Variants in IRF8 observed in about 807,000 individuals in gnomAD.
The protein encoded by IRF8 is interferon consensus sequence binding protein 1.
A neutral mutation model predicts 48.7 loss-of-function variants in IRF8; 14 were observed. That is an observed-to-expected ratio of 0.29 (90% CI 0.19 to 0.45). The LOEUF (loss-of-function observed/expected upper bound fraction) is 0.45, where lower values mean the gene tolerates loss of function less well. Ranked by LOEUF, IRF8 falls within the 20% of genes least tolerant of loss-of-function variation. The pLI is 1.00. For synonymous variants in IRF8, 278 were observed against 227.3 expected (o/e 1.22, Z -2.01); for missense variants, 493 against 580.7 (o/e 0.85, Z 1.55).
intron 2 of IRF8, among the ~76,000 whole-genome samples, chr16:85,905,785 A>G (rs1333563668): frequency 6.6e-6 from 1 of 152,234 alleles, no homozygotes; most frequent in Non-Finnish European, 1.5e-5. Flanking sequence ...CAACTGTTCA[A>G]AGAAAACCTT....
rs1469176664 is a variant in IRF8, at chr16:85,914,510, G to T, written c.591G>T (p.Ala197=). 1 of 1,614,082 alleles carries T rather than the reference G, an allele frequency of 6.2e-7. No homozygotes were observed. Among genetic ancestry groups the T allele is most frequent in the East Asian group, 2.2e-5 (1 of 44,878 alleles). ...TGACGGGGTACACCACCTACGACGC[G>T]CACCATTCAGGTACGGGGTGGTCCG... ...PLVTGYTTYD[A]HHSAFSQMVI... Residue 197 remains alanine (A), a synonymous_variant, in exon 6 of 9, where the codon GCG becomes GCT. Coordinates refer to ENST00000268638, the MANE Select transcript of IRF8 (RefSeq NM_002163.4).
At chr16:85,919,726 C>T (rs1279110718) in intron 7 of IRF8, among the ~76,000 whole-genome samples, 2 of 152,360 alleles carry the variant, frequency 1.3e-5, no homozygotes, top group South Asian at 2.1e-4. Flanking sequence ...ACTTTGAGAC[C>T]CTTTCAGTTG....
At position 85,922,452 on chromosome 16, in the gene IRF8, G is replaced by C. The variant is rs945263435; in HGVS notation, c.*1170G>C. The stretch of plus-strand genomic sequence containing the variant: ...AAGAATGGCAGACCTGTTTGCTGAA[G>C]TGTTCATAAGATAACAATAGGCTTG... On this transcript the variant is annotated 3_prime_UTR_variant, in exon 9 of 9. Transcript: ENST00000268638. The C allele has an allele frequency of 4.6e-5, 7 of 152,330 alleles. No individual in the cohort carries two copies. Among genetic ancestry groups the C allele is most frequent in the African/African-American group, 1.7e-4 (7 of 41,444 alleles). 9.4% of individuals were successfully genotyped at this position (152,330 alleles called of 1,614,324 possible).
At chr16:85,901,670 G>A (rs1237820378) in intron 1 of IRF8, among the ~76,000 whole-genome samples, 2 of 152,132 alleles carry the variant, frequency 1.3e-5, no homozygotes, top group African/African-American at 4.8e-5. Flanking sequence ...ACGCACAACT[G>A]AGGTTGTTGG....
intron 7 of IRF8, among the ~76,000 whole-genome samples, chr16:85,919,824 AG>A (rs2143053241): frequency 6.6e-6 from 1 of 152,336 alleles, no homozygotes; most frequent in African/African-American, 2.4e-5. Context: ...AGGGCCAGGC[AG>A]GTAAGAGCAA....
Position 85,921,454 on chromosome 16 carries a change from C to A in IRF8, c.*172C>A. 1.4e-6 allele frequency: 1 copy of A among 719,852 alleles called. No individual in the cohort carries two copies. Among genetic ancestry groups the A allele is most frequent in the Non-Finnish European group, 2.4e-6 (1 of 418,468 alleles). The allele number at this position is 719,852 out of a possible 1,614,324, so 44.6% of individuals were successfully genotyped here. A position where few individuals can be genotyped will look rare whatever the true frequency, so the allele number is the denominator to read the frequency against. ...GGAGTAGACGTTTAATACGAAGTGG[C>A]GGCATAGCCCTGCCGAGATGTCGGT... is the stretch of plus-strand genomic sequence containing the variant. On this transcript the variant is annotated 3_prime_UTR_variant, in exon 9 of 9. Transcript: ENST00000268638.
intron 1 of IRF8, 22 bp downstream of exon 1, chr16:85,899,245 G>A (rs1192676666): frequency 6.6e-6 from 1 of 152,206 alleles, no homozygotes; most frequent in Non-Finnish European, 1.5e-5. Context: ...GGGCGGGTAG[G>A]GCGCCCGTGT....
At chr16:85,907,049 G>A (rs935554559) in intron 2 of IRF8, among the ~76,000 whole-genome samples, 2 of 152,134 alleles carry the variant, frequency 1.3e-5, no homozygotes, top group Non-Finnish European at 1.5e-5. Flanking sequence ...ATTAATGCCC[G>A]GTCAGTGATG....
chr16:85,910,303 C>T (rs578003073), intron 3 of IRF8, among the ~76,000 whole-genome samples: 1 of 152,300 alleles, frequency 6.6e-6, no homozygotes, highest in East Asian at 1.9e-4. Flanking sequence ...GCCTAATCGT[C>T]TGCAATTAGC....
intron 5 of IRF8, chr16:85,913,443 TGCTTCTCAGGAGG>T (rs1905206208): frequency 3.3e-6 from 2 of 597,138 alleles, no homozygotes; most frequent in Non-Finnish European, 6.1e-6. Flanking sequence ...TGCTCTCCGC[TGCTTCTCAGGAGG>T]GCACAAGCTG....
At chr16:85,900,393 T>C (rs549320383) in intron 1 of IRF8, among the ~76,000 whole-genome samples, 1 of 152,366 alleles carries the variant, frequency 6.6e-6, no homozygotes, top group Admixed American at 6.5e-5. Flanking sequence ...TGATTAGACT[T>C]ATTAATTTTT....
intron 5 of IRF8, chr16:85,913,948 C>T (rs1033299583): frequency 5.6e-5 from 10 of 177,112 alleles, no homozygotes; most frequent in East Asian, 1.5e-4. Flanking sequence ...CCTCCCTCGG[C>T]GTCTTCCCCC....
chr16:85,914,286 T>G (rs1905230228), intron 5 of IRF8, 187 bp from the exon 6 acceptor site: 1 of 666,670 alleles, frequency 1.5e-6, no homozygotes, highest in African/African-American at 1.8e-5. Flanking sequence ...TTTTCTGCAT[T>G]TGTGAAACAA....
At chr16:85,906,264 C>G (rs1012768461) in intron 2 of IRF8, among the ~76,000 whole-genome samples, 1 of 152,120 alleles carries the variant, frequency 6.6e-6, no homozygotes, top group African/African-American at 2.4e-5. Context: ...TCAGTGCTGT[C>G]AGCCTGAGTT....
intron 1 of IRF8, among the ~76,000 whole-genome samples, chr16:85,901,800 T>G (rs1162177911): frequency 6.6e-6 from 1 of 152,228 alleles, no homozygotes; most frequent in African/African-American, 2.4e-5. Context: ...AAGGTTCTGA[T>G]TGATATTTTG....
chr16:85,909,193 A>G lies in IRF8; in HGVS notation c.358+20A>G, dbSNP rs1905079589. ...AAAAATGTAACTATCCTTTATGGGCATGAAACCTTCCAGAAGCTGCCCTGG... is the reference window on the plus strand; with the variant it reads ...AAAAATGTAACTATCCTTTATGGGCGTGAAACCTTCCAGAAGCTGCCCTGG... On this transcript the variant is annotated intron_variant, in intron 3 of 8. Transcript: ENST00000268638. The G allele has an allele frequency of 1.2e-6, 2 of 1,611,284 alleles. No homozygotes were observed. Among genetic ancestry groups the G allele is most frequent in the Admixed American group, 3.3e-5 (2 of 59,922 alleles).
chr16:85,918,580 C>G lies in IRF8; in HGVS notation c.765C>G (p.Ala255=), dbSNP rs759805702. The change falls in exon 7 of 9, where the codon GCC becomes GCG. Residue 255 remains alanine (A), a synonymous_variant. Coordinates refer to ENST00000268638, the MANE Select transcript of IRF8 (RefSeq NM_002163.4). The part of the protein sequence containing the change: ...EGLELVRFPP[A]DAIPSERQRQ... ...TGGAGCTGGTGCGCTTCCCGCCGGC[C>G]GACGCCATCCCCAGCGAGCGACAGA... The G allele has an allele frequency of 1.2e-6, 2 of 1,605,694 alleles. No individual in the cohort carries two copies. The highest frequency in any genetic ancestry group is 4.5e-5 in the East Asian group (2 of 44,866).
At chr16:85,902,888 C>A (rs1356140776) in intron 1 of IRF8, 127 bp from the exon 2 acceptor site, 3 of 980,930 alleles carry the variant, frequency 3.1e-6, no homozygotes, top group Non-Finnish European at 4.9e-6. Flanking sequence ...GTCCCTGAAT[C>A]TGTGGGTTTC....
intron 6 of IRF8, among the ~76,000 whole-genome samples, chr16:85,917,234 C>G (rs899912105): frequency 6.6e-6 from 1 of 152,144 alleles, no homozygotes; most frequent in African/African-American, 2.4e-5. Context: ...AAGGCAGCCT[C>G]GAACCGGTCT....
Sources: gnomAD v4.1 joint callset for allele counts (sites outside exome capture counted in the v4.1 genomes callset) on GRCh38, gnomAD v4.1.1 for gene constraint, MANE v1.5 for transcripts, NCBI Gene and HGNC (gene_info 2026-07-23, HGNC 2026-07-21) for gene names.